LRMDA: variants seen among roughly 807,000 people sequenced by gnomAD.
LRMDA encodes the protein leucine-rich melanocyte differentiation-associated protein.
LRMDA carries 18 observed loss-of-function variants against 29.8 expected under a neutral mutation model. The observed-to-expected ratio is 0.60, with a 90% CI of 0.42 to 0.90. LRMDA has a LOEUF of 0.90. Among genes scored for constraint, LRMDA ranks in the 40% least tolerant of loss-of-function variants. The probability of loss-of-function intolerance (pLI) is 0.00; values close to 1 mark genes in which losing one functional copy is unlikely to be tolerated. For missense variants in LRMDA, 273 were observed against 273.9 expected (o/e 1.00, Z 0.02); for synonymous variants, 125 against 109.4 (o/e 1.14, Z -0.89).
intron 2 of LRMDA, among the ~76,000 whole-genome samples, chr10:75,682,199 TCTAA>T (rs1054152631): frequency 1.3e-5 from 2 of 152,306 alleles, no homozygotes; most frequent in East Asian, 1.9e-4. Context: ...AAACCACTAC[TCTAA>T]CTGTGAACGC....
chr10:76,429,290 G>T (rs998622349), intron 6 of LRMDA, among the ~76,000 whole-genome samples: 2 of 152,066 alleles, frequency 1.3e-5, no homozygotes, highest in African/African-American at 4.8e-5. Context: ...TTTCTATCAT[G>T]TACCATTATA....
chr10:75,900,783 C>G (rs185007797), intron 2 of LRMDA, among the ~76,000 whole-genome samples: 2 of 152,282 alleles, frequency 1.3e-5, no homozygotes, highest in South Asian at 2.1e-4. Context: ...CCCACCCCCC[C>G]ACCTTTCTTT....
chr10:75,697,508 T>A (rs1842250650), intron 2 of LRMDA, among the ~76,000 whole-genome samples: 1 of 151,984 alleles, frequency 6.6e-6, no homozygotes, highest in Non-Finnish European at 1.5e-5. Flanking sequence ...GCATTCTTTT[T>A]TTTTTTTTTC....
intron 2 of LRMDA, among the ~76,000 whole-genome samples, chr10:75,483,280 A>G (rs1438005701): frequency 1.3e-5 from 2 of 152,202 alleles, no homozygotes; most frequent in East Asian, 3.8e-4. Flanking sequence ...TGTGTATGAC[A>G]TTCATCATTT....
intron 2 of LRMDA, among the ~76,000 whole-genome samples, chr10:75,889,934 G>A (rs1182810946): frequency 6.6e-6 from 1 of 152,216 alleles, no homozygotes; most frequent in Non-Finnish European, 1.5e-5. Context: ...CTAAGACTGG[G>A]ACCTGAAGGG....
intron 2 of LRMDA, among the ~76,000 whole-genome samples, chr10:76,004,550 G>C (rs555899691): frequency 7.0e-4 from 106 of 152,248 alleles, no homozygotes; most frequent in Middle Eastern, 3.4e-3. Flanking sequence ...ACAGTGTCAG[G>C]CAGGCCACAG....
chr10:76,549,535 A>G (rs1843469068), intron 6 of LRMDA, among the ~76,000 whole-genome samples: 1 of 152,128 alleles, frequency 6.6e-6, no homozygotes. Flanking sequence ...TAACCCTTGA[A>G]TTGGTGCTCC....
intron 2 of LRMDA, among the ~76,000 whole-genome samples, chr10:75,912,446 T>G (rs896696988): frequency 6.6e-6 from 1 of 152,092 alleles, no homozygotes; most frequent in African/African-American, 2.4e-5. Flanking sequence ...GAATTAGAAT[T>G]GTAGGGGTTG....
At chr10:75,613,372 C>A (rs934882077) in intron 2 of LRMDA, among the ~76,000 whole-genome samples, 1 of 152,136 alleles carries the variant, frequency 6.6e-6, no homozygotes, top group African/African-American at 2.4e-5. Flanking sequence ...GGAGACCAGG[C>A]AATGAGTGGT....
intron 5 of LRMDA, among the ~76,000 whole-genome samples, chr10:76,121,947 T>C (rs897601027): frequency 1.3e-5 from 2 of 152,172 alleles, no homozygotes; most frequent in African/African-American, 4.8e-5. Flanking sequence ...GAGATACAGA[T>C]AGACTGAGTT....
chr10:75,744,474 T>C (rs1457295222), intron 2 of LRMDA, among the ~76,000 whole-genome samples: 1 of 152,204 alleles, frequency 6.6e-6, no homozygotes, highest in Non-Finnish European at 1.5e-5. Context: ...TCATTCTGTC[T>C]ACTTGAGTGA....
chr10:75,853,619 TTAA>T (rs1214907187), intron 2 of LRMDA, among the ~76,000 whole-genome samples: 1 of 152,220 alleles, frequency 6.6e-6, no homozygotes, highest in African/African-American at 2.4e-5. Flanking sequence ...AAAACTAAAC[TTAA>T]TGATGTATAA....
In LRMDA at chr10:76,454,593, G is replaced by A. The variant is rs1474801447; in HGVS notation, c.602-102616G>A. 2.6e-5 allele frequency among the ~76,000 whole-genome samples: 4 copies of A among 152,066 alleles called. No homozygotes were observed. The East Asian group carries it at 7.7e-4, about 29-fold the overall frequency. Reference sequence around the variant, plus strand: ...GGTGATTTGGGTCTGCATTCGCTCAGCTAGACCAAGCTGTTCTCACCGCCA... The same window carrying A: ...GGTGATTTGGGTCTGCATTCGCTCAACTAGACCAAGCTGTTCTCACCGCCA... On this transcript the variant is annotated intron_variant, in intron 6 of 6. Coordinates refer to ENST00000611255, the MANE Select transcript of LRMDA (RefSeq NM_001305581.2).
intron 6 of LRMDA, among the ~76,000 whole-genome samples, chr10:76,458,300 C>T (rs1842478738): frequency 6.6e-6 from 1 of 152,114 alleles, no homozygotes; most frequent in African/African-American, 2.4e-5. Context: ...AACCAGCCTG[C>T]ACTGGATATT....
chr10:75,447,479 T>A (rs1208929543), intron 2 of LRMDA, among the ~76,000 whole-genome samples: 1 of 151,902 alleles, frequency 6.6e-6, no homozygotes, highest in Non-Finnish European at 1.5e-5. Context: ...TGAGCCAAGA[T>A]CACACCACTG....
chr10:75,955,891 G>C (rs1846655428), intron 2 of LRMDA, among the ~76,000 whole-genome samples: 1 of 152,134 alleles, frequency 6.6e-6, no homozygotes, highest in Admixed American at 6.6e-5. Context: ...CTGAAAATGG[G>C]AGTATGTCTT....
At chr10:75,659,921 T>G (rs1419732109) in intron 2 of LRMDA, among the ~76,000 whole-genome samples, 4 of 152,200 alleles carry the variant, frequency 2.6e-5, no homozygotes, top group Non-Finnish European at 4.4e-5. Context: ...ATGATTTTTT[T>G]GCTCTTCACT....
chr10:76,466,563 A>AGG (rs1450434333), intron 6 of LRMDA, among the ~76,000 whole-genome samples: 1 of 152,168 alleles, frequency 6.6e-6, no homozygotes. Flanking sequence ...TGAGAGGCTG[A>AGG]CGTAGGTGGA....
chr10:76,014,128 A>ATATATATATATATATAAT (rs1564630471), intron 2 of LRMDA, among the ~76,000 whole-genome samples: 95 of 94,842 alleles, frequency 1.0e-3, no homozygotes, highest in Non-Finnish European at 1.3e-3. Context: ...ATATATAATT[A>ATATATATATATATATAAT]TATATATATA....
Sources: allele counts gnomAD v4.1 joint callset (sites outside exome capture counted in the v4.1 genomes callset), GRCh38; gene constraint gnomAD v4.1.1; transcripts MANE v1.5; gene names NCBI Gene and HGNC (gene_info 2026-07-23, HGNC 2026-07-21).